Variants in ST18 observed in about 807,000 individuals in gnomAD.
The protein encoded by ST18 is suppression of tumorigenicity 18 protein.
A neutral mutation model predicts 110.0 loss-of-function variants in ST18; 50 were observed. That is an observed-to-expected ratio of 0.45 (90% CI 0.36 to 0.58). The LOEUF (loss-of-function observed/expected upper bound fraction) is 0.58, where lower values mean the gene tolerates loss of function less well. ST18 is among the 20% of genes least tolerant of loss of function. ST18 has a pLI of 0.00. For missense variants in ST18, 1,306 were observed against 1,280.1 expected (o/e 1.02, Z -0.31); for synonymous variants, 461 against 452.4 (o/e 1.02, Z -0.24).
At chr8:52,222,593 A>G (rs1027821216) in intron 3 of ST18, among the ~76,000 whole-genome samples, 2 of 152,162 alleles carry the variant, frequency 1.3e-5, no homozygotes, top group East Asian at 1.9e-4. Flanking sequence ...GCACACCAAC[A>G]TACAAATGGG....
intron 2 of ST18, among the ~76,000 whole-genome samples, chr8:52,391,959 A>G (rs1312932342): frequency 6.6e-6 from 1 of 152,168 alleles, no homozygotes; most frequent in African/African-American, 2.4e-5. Context: ...TGGAGTTTGG[A>G]GGGCTGAGGC....
intron 2 of ST18, among the ~76,000 whole-genome samples, chr8:52,312,693 C>G (rs530549579): frequency 2.6e-5 from 4 of 152,158 alleles, no homozygotes; most frequent in Admixed American, 6.5e-5. Flanking sequence ...ATGGAGTGCA[C>G]AGCAGTATTC....
At chr8:52,289,035 C>G (rs1589644698) in intron 2 of ST18, among the ~76,000 whole-genome samples, 1 of 152,168 alleles carries the variant, frequency 6.6e-6, no homozygotes, top group East Asian at 1.9e-4. Context: ...CCATCTGCAC[C>G]TGTACTGCAA....
chr8:52,139,753 T>C (rs1386994009), intron 17 of ST18, among the ~76,000 whole-genome samples: 1 of 150,236 alleles, frequency 6.7e-6, no homozygotes, highest in Non-Finnish European at 1.5e-5. Context: ...CTATAAAATA[T>C]GATAATGAAA....
At chr8:52,368,991 A>G (rs1401037404) in intron 2 of ST18, among the ~76,000 whole-genome samples, 2 of 152,112 alleles carry the variant, frequency 1.3e-5, no homozygotes, top group East Asian at 3.9e-4. Flanking sequence ...CCTAACAGCA[A>G]AAAGGGCCAG....
chr8:52,131,091 T>C (rs1586555411), intron 22 of ST18, among the ~76,000 whole-genome samples: 2 of 152,226 alleles, frequency 1.3e-5, no homozygotes, highest in Non-Finnish European at 2.9e-5. Context: ...AACAAGCAAT[T>C]CCTGGAAGGC....
At chr8:52,132,846 A>T (rs2050249613) in intron 21 of ST18, among the ~76,000 whole-genome samples, 1 of 152,232 alleles carries the variant, frequency 6.6e-6, no homozygotes, top group East Asian at 1.9e-4. Context: ...TTACTTTTTA[A>T]AACAATCTTT....
intron 8 of ST18, among the ~76,000 whole-genome samples, chr8:52,205,785 C>T (rs1475529904): frequency 1.3e-5 from 2 of 152,092 alleles, no homozygotes; most frequent in Non-Finnish European, 2.9e-5. Context: ...CCAAGCTGGT[C>T]TCAAACTCCT....
intron 22 of ST18, among the ~76,000 whole-genome samples, chr8:52,128,779 C>A (rs1288317351): frequency 1.3e-5 from 2 of 152,142 alleles, no homozygotes; most frequent in African/African-American, 4.8e-5. Flanking sequence ...GTATTCAAAG[C>A]AATTCCATAA....
At chr8:52,175,740 A>G (rs535449036) in intron 9 of ST18, among the ~76,000 whole-genome samples, 1 of 152,318 alleles carries the variant, frequency 6.6e-6, no homozygotes, top group East Asian at 1.9e-4. Context: ...AAGGGAAACT[A>G]CAATTCTACA....
At chr8:52,124,023 A>G (rs2046021852) in intron 23 of ST18, among the ~76,000 whole-genome samples, 1 of 152,160 alleles carries the variant, frequency 6.6e-6, no homozygotes, top group Admixed American at 6.5e-5. Flanking sequence ...CACGGTGATT[A>G]TAGCTTTCTT....
intron 2 of ST18, among the ~76,000 whole-genome samples, chr8:52,354,716 A>G (rs1821894717): frequency 6.6e-6 from 1 of 152,192 alleles, no homozygotes; most frequent in Non-Finnish European, 1.5e-5. Context: ...CCAGTGAGAT[A>G]GGAGGAAACT....
chr8:52,314,580 C>A (rs552624146), intron 2 of ST18, among the ~76,000 whole-genome samples: 1 of 152,326 alleles, frequency 6.6e-6, no homozygotes, highest in Non-Finnish European at 1.5e-5. Context: ...TAAATCATGA[C>A]TTATAGCCCA....
intron 17 of ST18, among the ~76,000 whole-genome samples, chr8:52,141,454 G>A (rs1457338155): frequency 6.6e-6 from 1 of 152,222 alleles, no homozygotes; most frequent in East Asian, 1.9e-4. Flanking sequence ...CATCAATGAC[G>A]CGGACAAGGT....
intron 3 of ST18, among the ~76,000 whole-genome samples, chr8:52,224,137 A>G (rs908257618): frequency 6.6e-6 from 1 of 152,202 alleles, no homozygotes; most frequent in Non-Finnish European, 1.5e-5. Context: ...TTTTTGAATG[A>G]TAAGAAAAGT....
chr8:52,225,267 T>G (rs965217373), intron 3 of ST18, among the ~76,000 whole-genome samples: 2 of 152,224 alleles, frequency 1.3e-5, no homozygotes, highest in African/African-American at 4.8e-5. Context: ...CAAAGATACT[T>G]AAAGCCTTGC....
chr8:52,188,647 T>C (rs2073309792), intron 8 of ST18, among the ~76,000 whole-genome samples: 1 of 152,158 alleles, frequency 6.6e-6, no homozygotes, highest in African/African-American at 2.4e-5. Context: ...CAGTTGTAGA[T>C]AGAAGGTTAG....
intron 2 of ST18, among the ~76,000 whole-genome samples, chr8:52,309,323 C>T (rs1210216289): frequency 6.6e-6 from 1 of 152,102 alleles, no homozygotes; most frequent in Non-Finnish European, 1.5e-5. Flanking sequence ...GATTTCGAGA[C>T]CAGCCTGACC....
At chr8:52,409,306 A>G (rs1393456474) in intron 2 of ST18, 22 bp downstream of exon 2, 1 of 152,328 alleles carries the variant, frequency 6.6e-6, no homozygotes, top group East Asian at 1.9e-4. Context: ...ACTTAAATGC[A>G]TTTTACAATA....
Sources: gnomAD v4.1 joint callset for allele counts (sites outside exome capture counted in the v4.1 genomes callset) on GRCh38, gnomAD v4.1.1 for gene constraint, MANE v1.5 for transcripts, NCBI Gene and HGNC (gene_info 2026-07-23, HGNC 2026-07-21) for gene names.